Variants in OSBPL8 observed in about 807,000 individuals in gnomAD.
OSBPL8 encodes the protein oxysterol binding protein like 8.
Under a neutral mutation model 125.5 loss-of-function variants are expected in OSBPL8, and 59 were observed. The observed-to-expected ratio is 0.47, with a 90% CI of 0.38 to 0.58. The LOEUF is 0.58. Among genes scored for constraint, OSBPL8 ranks in the 20% least tolerant of loss-of-function variants. OSBPL8 has a pLI of 0.00. For missense variants in OSBPL8, 758 were observed against 1,047.8 expected (o/e 0.72, Z 3.82); for synonymous variants, 330 against 338.9 (o/e 0.97, Z 0.29).
chr12:76,551,473 C>G (rs1347536767), intron 1 of OSBPL8, among the ~76,000 whole-genome samples: 1 of 152,150 alleles, frequency 6.6e-6, no homozygotes, highest in Non-Finnish European at 1.5e-5. Context: ...TTATCCAGCC[C>G]AAAATATCAA....
At chr12:76,498,725 CTTTTTT>C (rs369287376) in intron 1 of OSBPL8, among the ~76,000 whole-genome samples, 5 of 102,496 alleles carry the variant, frequency 4.9e-5, no homozygotes, top group African/African-American at 1.6e-4. Flanking sequence ...AGCCTCCCCA[CTTTTTT>C]TTTTTTTTTT....
At chr12:76,381,810 T>C (rs765764059) in intron 15 of OSBPL8, among the ~76,000 whole-genome samples, 14 of 151,658 alleles carry the variant, frequency 9.2e-5, no homozygotes, top group Non-Finnish European at 1.3e-4. Flanking sequence ...TCTCAGCTCA[T>C]TGCAACCTCT....
intron 10 of OSBPL8, among the ~76,000 whole-genome samples, chr12:76,391,038 T>C (rs1372038229): frequency 6.6e-6 from 1 of 152,136 alleles, no homozygotes; most frequent in Non-Finnish European, 1.5e-5. Context: ...CTGTCACTTA[T>C]GGTATGAAGA....
chr12:76,364,733 T>G (rs1390526058), intron 21 of OSBPL8, among the ~76,000 whole-genome samples: 1 of 152,242 alleles, frequency 6.6e-6, no homozygotes, highest in Non-Finnish European at 1.5e-5. Flanking sequence ...TCAATATGCC[T>G]GTTCTTACAT....
At chr12:76,424,318 T>C (rs890916382) in intron 4 of OSBPL8, among the ~76,000 whole-genome samples, 3 of 152,162 alleles carry the variant, frequency 2.0e-5, no homozygotes, top group African/African-American at 4.8e-5. Context: ...ATTTCTTGTA[T>C]GTGACATATT....
intron 4 of OSBPL8, among the ~76,000 whole-genome samples, chr12:76,437,982 TTTTTTTA>T (rs918428585): frequency 1.6e-4 from 24 of 152,182 alleles, no homozygotes; most frequent in African/African-American, 5.3e-4. Flanking sequence ...AAACTTCTTC[TTTTTTTA>T]TTTTTTATTT....
chr12:76,361,128 T>C (rs1952189258), intron 21 of OSBPL8, among the ~76,000 whole-genome samples: 1 of 152,238 alleles, frequency 6.6e-6, no homozygotes, highest in African/African-American at 2.4e-5. Context: ...ATGTTCTGTT[T>C]CCCTTTTAAA....
chr12:76,422,787 C>A, intron 4 of OSBPL8: 1 of 300,802 alleles, frequency 3.3e-6, no homozygotes, highest in Non-Finnish European at 6.8e-6. Flanking sequence ...CATTTAACAG[C>A]AAAGGAGAAG....
chr12:76,386,615 C>T lies in OSBPL8; in HGVS notation c.1398G>A (p.Val466=), dbSNP rs1277030419. 6.2e-7 allele frequency: 1 copy of T among 1,608,460 alleles called. No individual in the cohort carries two copies. Residue 466 remains valine (V), a synonymous_variant, in exon 13 of 24, where the codon GTG becomes GTA. Coordinates refer to ENST00000261183, the MANE Select transcript of OSBPL8 (RefSeq NM_020841.5). ...ENPYFRLKKV[V]KWYLSGFYKK... is the part of the protein sequence containing the mutation. Reference sequence around the variant, plus strand: ...TATAGAATCCTGACAAATACCATTTCACTACTTTCTTCAAACGGAAATAAG... The same window carrying T: ...TATAGAATCCTGACAAATACCATTTTACTACTTTCTTCAAACGGAAATAAG...
At chr12:76,401,666 A>G (rs1555214165) in intron 6 of OSBPL8, among the ~76,000 whole-genome samples, 1 of 152,142 alleles carries the variant, frequency 6.6e-6, no homozygotes, top group Non-Finnish European at 1.5e-5. Flanking sequence ...ATTTATTAAT[A>G]TATTCTCTTA....
intron 2 of OSBPL8, among the ~76,000 whole-genome samples, chr12:76,468,692 T>C (rs909940736): frequency 2.0e-5 from 3 of 152,218 alleles, no homozygotes; most frequent in African/African-American, 7.2e-5. Context: ...GTGAATTCTT[T>C]GATAATTCAT....
intron 2 of OSBPL8, among the ~76,000 whole-genome samples, chr12:76,470,126 C>T (rs1318464208): frequency 6.6e-6 from 1 of 152,188 alleles, no homozygotes; most frequent in African/African-American, 2.4e-5. Flanking sequence ...ATTAATCCAA[C>T]CTCCTTTATC....
intron 1 of OSBPL8, among the ~76,000 whole-genome samples, chr12:76,510,183 C>A (rs765914195): frequency 6.6e-6 from 1 of 152,170 alleles, no homozygotes; most frequent in African/African-American, 2.4e-5. Flanking sequence ...ATCTCCAGAT[C>A]TAGCAAATCT....
At chr12:76,423,878 TATCCTTCCTTATTATGC>T (rs1167707108) in intron 4 of OSBPL8, among the ~76,000 whole-genome samples, 2 of 152,222 alleles carry the variant, frequency 1.3e-5, no homozygotes, top group Non-Finnish European at 2.9e-5. Context: ...AAGATCTCAG[TATCCTTCCTTATTATGC>T]ATTCACTTCA....
rs1951848652 is a variant in OSBPL8 at position 76,352,198 on chromosome 12, A to C, written c.*3691T>G. ...ATGTTTCATGGCATTTTTTTTCTTT[A>C]AGTGAAAAATTTTGATACTGTAAAA... On this transcript the variant is annotated 3_prime_UTR_variant, in exon 24 of 24. Transcript: ENST00000261183. 1 of 152,472 alleles carries C rather than the reference A, an allele frequency of 6.6e-6. No homozygotes were observed. The highest frequency in any genetic ancestry group is 2.4e-5 in the African/African-American group (1 of 41,414). The allele number at this position is 152,472 out of a possible 1,614,324, so 9.4% of individuals were successfully genotyped here.
chr12:76,433,046 C>T (rs565215466), intron 4 of OSBPL8, among the ~76,000 whole-genome samples: 20 of 152,266 alleles, frequency 1.3e-4, no homozygotes, highest in African/African-American at 4.6e-4. Flanking sequence ...AACAAAAACT[C>T]TCAACAAAAT....
Position 76,371,566 on chromosome 12 carries a change from T to C in OSBPL8, c.1936A>G (p.Thr646Ala). ...TCTGAATTATCAGTCTTTTTATCAG[T>C]AATAAAAACTTCACTATCCTATATT... is the stretch of plus-strand genomic sequence containing the variant. The part of the protein sequence containing the change: ...EGHWDSEVFI[T>A]DKKTDNSEVF... Residue 646 changes from threonine to alanine, a missense_variant, in exon 19 of 24, where the codon ACT becomes GCT. Physicochemically the swap from Thr to Ala is moderately conservative, Grantham distance 58 (BLOSUM62 0). Around this residue, in one of 3 missense-constraint regions of OSBPL8, gnomAD observed 572 missense variants for 762.0 expected, o/e 0.75. Coordinates refer to ENST00000261183, the MANE Select transcript of OSBPL8 (RefSeq NM_020841.5). 6.2e-7 allele frequency: 1 copy of C among 1,603,312 alleles called. No individual in the cohort carries two copies. Among genetic ancestry groups the C allele is most frequent in the Non-Finnish European group, 8.5e-7 (1 of 1,175,050 alleles).
chr12:76,492,927 T>C (rs1878876307), intron 1 of OSBPL8, among the ~76,000 whole-genome samples: 1 of 150,696 alleles, frequency 6.6e-6, no homozygotes, highest in Admixed American at 6.6e-5. Flanking sequence ...TATATAGATA[T>C]ATATAGATAT....
intron 4 of OSBPL8, among the ~76,000 whole-genome samples, chr12:76,432,459 T>TA (rs1473997943): frequency 1.2e-4 from 18 of 152,102 alleles, no homozygotes; most frequent in African/African-American, 4.3e-4. Flanking sequence ...CACATGCCTG[T>TA]AGTCTCAGCT....
Sources: gnomAD v4.1 joint callset for allele counts (sites outside exome capture counted in the v4.1 genomes callset) on GRCh38, gnomAD v4.1.1 for gene constraint, gnomAD v4.1.1 regional missense constraint, MANE v1.5 for transcripts, NCBI Gene and HGNC (gene_info 2026-07-23, HGNC 2026-07-21) for gene names.